Variants in CAMK1D observed in about 807,000 individuals in gnomAD.
CAMK1D encodes calcium/calmodulin dependent protein kinase ID, also known as calcium/calmodulin-dependent protein kinase type 1D.
Under a neutral mutation model 47.7 loss-of-function variants are expected in CAMK1D, and 9 were observed. The ratio of observed to expected loss-of-function variants is 0.19; its 90% CI spans 0.11 to 0.33. The LOEUF is 0.33. Among genes scored for constraint, CAMK1D ranks in the 10% least tolerant of loss-of-function variants. The pLI is 1.00. For missense variants in CAMK1D, 291 were observed against 488.7 expected (o/e 0.60, Z 3.81); for synonymous variants, 184 against 184.9 (o/e 0.99, Z 0.04).
chr10:12,530,593 T>C (rs767429228), intron 1 of CAMK1D, among the ~76,000 whole-genome samples: 2 of 152,202 alleles, frequency 1.3e-5, no homozygotes, highest in Non-Finnish European at 2.9e-5. Flanking sequence ...AGGAATGTTT[T>C]GTGGGATCTT....
chr10:12,784,867 G>A (rs1837656472), intron 5 of CAMK1D, among the ~76,000 whole-genome samples: 1 of 152,202 alleles, frequency 6.6e-6, no homozygotes, highest in African/African-American at 2.4e-5. Context: ...ATCACCAAGT[G>A]CTGACCAATC....
At chr10:12,604,725 A>G (rs1003726311) in intron 2 of CAMK1D, among the ~76,000 whole-genome samples, 1 of 152,148 alleles carries the variant, frequency 6.6e-6, no homozygotes, top group Non-Finnish European at 1.5e-5. Context: ...TCTAAGGTAT[A>G]TGATTCCCTG....
rs536346455 is a variant in CAMK1D at position 12,631,192 on chromosome 10, A to C, written c.225-35544A>C. Among the ~76,000 whole-genome samples the C allele has an allele frequency of 2.2e-3, 336 of 152,328 alleles. No homozygotes were observed. In the Middle Eastern group the frequency reaches 0.024, roughly 11 times the overall value. On this transcript the variant is annotated intron_variant, in intron 2 of 10. Transcript: ENST00000619168. ...TAAGGAGGGTGGCGCTGCTTAGGAA[A>C]AAAAGGTTTCAGACTATTGAGTGTG...
chr10:12,791,853 C>A (rs1437352954), intron 6 of CAMK1D, among the ~76,000 whole-genome samples: 1 of 152,178 alleles, frequency 6.6e-6, no homozygotes, highest in Non-Finnish European at 1.5e-5. Context: ...ATTGCTGGGC[C>A]ATGTGGTAGT....
chr10:12,566,791 G>C (rs2132303348), intron 2 of CAMK1D, among the ~76,000 whole-genome samples: 1 of 152,312 alleles, frequency 6.6e-6, no homozygotes, highest in South Asian at 2.1e-4. Flanking sequence ...CAGGACTGAA[G>C]AAGCTACCCC....
chr10:12,411,721 C>T (rs1453722368), intron 1 of CAMK1D, among the ~76,000 whole-genome samples: 1 of 151,938 alleles, frequency 6.6e-6, no homozygotes, highest in South Asian at 2.1e-4. Flanking sequence ...GCCTCAGCCT[C>T]CCGAGTAGCT....
At chr10:12,598,485 A>G (rs1838208265) in intron 2 of CAMK1D, among the ~76,000 whole-genome samples, 1 of 152,216 alleles carries the variant, frequency 6.6e-6, no homozygotes, top group Non-Finnish European at 1.5e-5. Context: ...AGCATTTTCC[A>G]TATCTCAGGA....
chr10:12,431,678 C>T (rs1041685553), intron 1 of CAMK1D, among the ~76,000 whole-genome samples: 6 of 152,216 alleles, frequency 3.9e-5, no homozygotes, highest in African/African-American at 1.2e-4. Context: ...CGTCCGTTCC[C>T]TGCTTTAATA....
chr10:12,672,382 T>A (rs887943401), intron 3 of CAMK1D, among the ~76,000 whole-genome samples: 7 of 152,108 alleles, frequency 4.6e-5, no homozygotes, highest in African/African-American at 1.7e-4. Context: ...TTGCCTTCTT[T>A]TTTTGAGATG....
chr10:12,690,424 T>C (rs1832833590), intron 3 of CAMK1D, among the ~76,000 whole-genome samples: 1 of 152,206 alleles, frequency 6.6e-6, no homozygotes, highest in Non-Finnish European at 1.5e-5. Flanking sequence ...GCGAAGTTGT[T>C]ATTTATGCCT....
intron 2 of CAMK1D, among the ~76,000 whole-genome samples, chr10:12,562,053 T>C (rs117734815): frequency 1.2e-3 from 187 of 152,340 alleles, no homozygotes; most frequent in Non-Finnish European, 2.1e-3. Context: ...TTTCTGTTGC[T>C]ATAGCATAAT....
At chr10:12,767,499 T>C (rs1019184972) in intron 4 of CAMK1D, among the ~76,000 whole-genome samples, 1 of 152,020 alleles carries the variant, frequency 6.6e-6, no homozygotes, top group Non-Finnish European at 1.5e-5. Context: ...ATTTAGAAAG[T>C]TTATTTTGCC....
intron 1 of CAMK1D, among the ~76,000 whole-genome samples, chr10:12,523,911 A>C (rs867845948): frequency 3.3e-5 from 5 of 151,506 alleles, no homozygotes; most frequent in Non-Finnish European, 7.4e-5. Context: ...TTATTTATTT[A>C]TTTTTTTGAG....
chr10:12,781,468 T>A (rs1837488892), intron 5 of CAMK1D, among the ~76,000 whole-genome samples: 1 of 152,124 alleles, frequency 6.6e-6, no homozygotes, highest in African/African-American at 2.4e-5. Flanking sequence ...CAGCTTCTAC[T>A]CCCTCCCCGT....
chr10:12,636,647 A>G (rs1002311353), intron 2 of CAMK1D, among the ~76,000 whole-genome samples: 4 of 152,042 alleles, frequency 2.6e-5, no homozygotes, highest in Admixed American at 6.5e-5. Flanking sequence ...GTTTTCGCCA[A>G]TGAGGAAACA....
At chr10:12,508,079 G>A (rs1304284464) in intron 1 of CAMK1D, among the ~76,000 whole-genome samples, 2 of 152,204 alleles carry the variant, frequency 1.3e-5, no homozygotes, top group Non-Finnish European at 2.9e-5. Context: ...AGCATCCCGA[G>A]ACACTTGGAG....
At chr10:12,425,601 G>A (rs1220705710) in intron 1 of CAMK1D, among the ~76,000 whole-genome samples, 5 of 152,092 alleles carry the variant, frequency 3.3e-5, no homozygotes, top group East Asian at 3.9e-4. Context: ...CTTTGCCTAC[G>A]CCCTCCAGAA....
chr10:12,559,784 C>T (rs1029516365), intron 2 of CAMK1D, among the ~76,000 whole-genome samples: 2 of 152,088 alleles, frequency 1.3e-5, no homozygotes, highest in Non-Finnish European at 2.9e-5. Flanking sequence ...AGTGCCAGGC[C>T]TGGGGAGGCT....
At chr10:12,380,665 G>C (rs369107428) in intron 1 of CAMK1D, among the ~76,000 whole-genome samples, 3 of 152,164 alleles carry the variant, frequency 2.0e-5, no homozygotes, top group East Asian at 3.9e-4. Flanking sequence ...GACCATCCTG[G>C]CTAACACGGT....
Sources: gnomAD v4.1 joint callset for allele counts (sites outside exome capture counted in the v4.1 genomes callset) on GRCh38, gnomAD v4.1.1 for gene constraint, MANE v1.5 for transcripts, NCBI Gene and HGNC (gene_info 2026-07-23, HGNC 2026-07-21) for gene names.